Variants in TF observed in about 807,000 individuals in gnomAD.
TF encodes the protein serotransferrin.
Under a neutral mutation model 82.4 loss-of-function variants are expected in TF, and 55 were observed. That is an observed-to-expected ratio of 0.67 (90% confidence interval 0.54 to 0.84). The LOEUF (loss-of-function observed/expected upper bound fraction) is 0.84. Among genes scored for constraint, TF ranks in the 40% least tolerant of loss-of-function variants. The probability of loss-of-function intolerance (pLI) is 0.00; values close to 1 mark genes in which losing one functional copy is unlikely to be tolerated. For missense variants in TF, 737 were observed against 868.4 expected (o/e 0.85, Z 1.90); for synonymous variants, 332 against 332.6 (o/e 1.00, Z 0.02).
chr3:133,769,583 A>T (rs1398491084), intron 13 of TF, among the ~76,000 whole-genome samples: 1 of 152,216 alleles, frequency 6.6e-6, no homozygotes, highest in Non-Finnish European at 1.5e-5. Flanking sequence ...AATTAAATCA[A>T]TATGTGGCAC....
At chr3:133,669,526 C>T in the TF span, among the ~76,000 whole-genome samples, 1 of 152,250 alleles carries the variant, frequency 6.6e-6, no homozygotes, top group South Asian at 2.1e-4. Flanking sequence ...GAGTTATGGC[C>T]AATAGAATAT....
Position 133,775,620 on chromosome 3 carries a change from A to G in TF, c.1872+3A>G, listed in dbSNP as rs1305719203. The G allele has an allele frequency of 1.9e-6, 3 of 1,613,758 alleles. No individual in the cohort carries two copies. The highest frequency in any genetic ancestry group is 1.1e-5 in the South Asian group (1 of 91,080). Reference sequence around the variant, plus strand: ...ACAAGATATTACGTCAACAGCAGGTATGGACCAGCCAGGTCCTCCCACCTT... The same window carrying G: ...ACAAGATATTACGTCAACAGCAGGTGTGGACCAGCCAGGTCCTCCCACCTT... On this transcript the variant is annotated splice_donor_region_variant and intron_variant, in intron 15 of 16. Transcript: ENST00000402696.
At chr3:133,739,895 T>A in the TF span, among the ~76,000 whole-genome samples, 3 of 152,228 alleles carry the variant, frequency 2.0e-5, no homozygotes, top group African/African-American at 7.2e-5. Flanking sequence ...GGAGTGTAAA[T>A]TAGTTCAACC....
chr3:133,762,930 C>T (rs1934031215), intron 9 of TF, among the ~76,000 whole-genome samples: 1 of 152,188 alleles, frequency 6.6e-6, no homozygotes, highest in Non-Finnish European at 1.5e-5. Flanking sequence ...AGGCAAACTC[C>T]ATTCTTCATA....
At chr3:133,757,593 G>A (rs1035516349) in intron 7 of TF, among the ~76,000 whole-genome samples, 176 bp from the exon 8 acceptor site, 2 of 152,212 alleles carry the variant, frequency 1.3e-5, no homozygotes, top group Non-Finnish European at 2.9e-5. Flanking sequence ...GCGGACCCAC[G>A]AGGGCTACAG....
intron 15 of TF, among the ~76,000 whole-genome samples, chr3:133,775,918 A>G (rs751067699): frequency 3.9e-5 from 6 of 152,172 alleles, no homozygotes; most frequent in Non-Finnish European, 5.9e-5. Flanking sequence ...CATGAGTATT[A>G]AGTGAAGACA....
At chr3:133,731,792 T>C in the TF span, among the ~76,000 whole-genome samples, 1 of 152,246 alleles carries the variant, frequency 6.6e-6, no homozygotes, top group Non-Finnish European at 1.5e-5. Flanking sequence ...AAGTAACTTG[T>C]CCGGTATGAT....
At chr3:133,736,852 T>G in the TF span, among the ~76,000 whole-genome samples, 1 of 151,994 alleles carries the variant, frequency 6.6e-6, no homozygotes, top group Non-Finnish European at 1.5e-5. Flanking sequence ...AGACTTAGAC[T>G]CCCACACAAT....
chr3:133,740,915 T>TG, the TF span, among the ~76,000 whole-genome samples: 1 of 149,640 alleles, frequency 6.7e-6, no homozygotes, highest in African/African-American at 2.5e-5. Flanking sequence ...TTCATGTTTT[T>TG]TTTTTTTTTT....
chr3:133,699,684 G>A, the TF span: 2 of 451,774 alleles, frequency 4.4e-6, no homozygotes, highest in Admixed American at 4.7e-5. Context: ...TTGGAGGGAG[G>A]TTAACTTCCT....
At chr3:133,716,026 T>C in the TF span, among the ~76,000 whole-genome samples, 1 of 152,208 alleles carries the variant, frequency 6.6e-6, no homozygotes, top group Non-Finnish European at 1.5e-5. Flanking sequence ...ATTTCTTCCC[T>C]GGCTTCTGGA....
chr3:133,778,647 G>A lies in TF; in HGVS notation c.*27G>A. 6.2e-7 allele frequency: 1 copy of A among 1,612,618 alleles called. No individual in the cohort carries two copies. Among genetic ancestry groups the A allele is most frequent in the Non-Finnish European group, 8.5e-7 (1 of 1,179,146 alleles). ...ATCTCAGAGGTAGGGCTGCCACCAAGGTGAAGATGGGAACGCAGATGATCC... is the reference window on the plus strand; with the variant it reads ...ATCTCAGAGGTAGGGCTGCCACCAAAGTGAAGATGGGAACGCAGATGATCC... On this transcript the variant is annotated 3_prime_UTR_variant, in exon 17 of 17. Coordinates refer to ENST00000402696, the MANE Select transcript of TF (RefSeq NM_001063.4).
chr3:133,746,585 G>A, intron 1 of TF, 102 bp downstream of exon 1: 2 of 1,348,980 alleles, frequency 1.5e-6, no homozygotes, highest in Non-Finnish European at 1.0e-6. Flanking sequence ...CGCTCAGGCT[G>A]GAAGCCTGGG....
rs1245303817 is a variant in TF at position 133,789,888 on chromosome 3, T to A, written c.*11268T>A. 2.1e-4 allele frequency: 9 copies of A among 43,002 alleles called. No individual in the cohort carries two copies. The highest frequency in any genetic ancestry group is 0.01 in the Middle Eastern group (1 of 96). The allele number at this position is 43,002 out of a possible 1,614,324, so 2.7% of individuals were successfully genotyped here. A position where few individuals can be genotyped will look rare whatever the true frequency, so the allele number is the denominator to read the frequency against. On this transcript the variant is annotated 3_prime_UTR_variant, in exon 17 of 17. Coordinates refer to ENST00000402696, the MANE Select transcript of TF (RefSeq NM_001063.4). Reference sequence around the variant, plus strand: ...AAACGATCTCGTTTGCGTTTTTTTTTTTTTTTTTTTTTTTTTTTTTGACAA... The same window carrying A: ...AAACGATCTCGTTTGCGTTTTTTTTATTTTTTTTTTTTTTTTTTTTGACAA...
chr3:133,777,431 C>T, intron 16 of TF, 193 bp downstream of exon 16: 1 of 601,174 alleles, frequency 1.7e-6, no homozygotes, highest in Non-Finnish European at 3.0e-6. Context: ...TAAGGGGATA[C>T]AGGCTCAGAG....
the TF span, among the ~76,000 whole-genome samples, chr3:133,721,911 G>A: frequency 1.3e-5 from 2 of 152,000 alleles, no homozygotes; most frequent in Non-Finnish European, 2.9e-5. Flanking sequence ...ACAGGGTCTG[G>A]CTGTGTCACC....
intron 14 of TF, 199 bp downstream of exon 14, chr3:133,770,771 G>A: frequency 3.1e-6 from 2 of 646,586 alleles, no homozygotes. Flanking sequence ...GCCCCCAATG[G>A]CCCTAAATCC....
At chr3:133,685,704 A>G in the TF span, among the ~76,000 whole-genome samples, 24 of 152,224 alleles carry the variant, frequency 1.6e-4, no homozygotes, top group African/African-American at 5.8e-4. Context: ...AAAAGAGGAC[A>G]CAAACAAATG....
At chr3:133,712,503 A>T in the TF span, among the ~76,000 whole-genome samples, 1 of 149,054 alleles carries the variant, frequency 6.7e-6, no homozygotes, top group African/African-American at 2.5e-5. Context: ...TCCAGCTGGA[A>T]CCTTTTTTTT....
Sources: gnomAD v4.1 joint callset for allele counts (sites outside exome capture counted in the v4.1 genomes callset) on GRCh38, gnomAD v4.1.1 for gene constraint, MANE v1.5 for transcripts, NCBI Gene and HGNC (gene_info 2026-07-23, HGNC 2026-07-21) for gene names.